Variants in TIAM1 observed in about 807,000 individuals in gnomAD.
TIAM1 encodes the protein rho guanine nucleotide exchange factor TIAM1.
Under a neutral mutation model 163.5 loss-of-function variants are expected in TIAM1, and 65 were observed. The ratio of observed to expected loss-of-function variants is 0.40; its 90% CI spans 0.33 to 0.49. The LOEUF is 0.49. TIAM1 is among the 20% of genes least tolerant of loss of function. TIAM1 has a pLI of 0.77. For missense variants in TIAM1, 1,789 were observed against 2,044.7 expected, an observed-to-expected ratio of 0.87 and a Z score of 2.41; for synonymous variants, 833 against 810.1, an observed-to-expected ratio of 1.03 and a Z score of -0.48.
chr21:31,292,404 C>CTGTGGCCTAG (rs1481859639), intron 2 of TIAM1, among the ~76,000 whole-genome samples: 1 of 147,126 alleles, frequency 6.8e-6, no homozygotes, highest in Non-Finnish European at 1.5e-5. Flanking sequence ...GAGTCTTGCT[C>CTGTGGCCTAG]TGTGGCCTAG....
At position 31,228,241 on chromosome 21, in the gene TIAM1, A is replaced by AGG. The variant is rs1569068860; in HGVS notation, c.1585-2292_1585-2291insCC. Among the ~76,000 whole-genome samples the AGG allele has an allele frequency of 3.4e-4, 16 of 46,720 alleles. 1 individual carries two copies. Among genetic ancestry groups the AGG allele is most frequent in the Admixed American group, 1.3e-3 (4 of 2,970 alleles). The allele number at this position is 46,720 out of a possible 152,430, so 30.7% of individuals were successfully genotyped here. On this transcript the variant is annotated intron_variant, in intron 6 of 27. Coordinates refer to ENST00000541036, the MANE Select transcript of TIAM1 (RefSeq NM_001353694.2). Reference sequence around the variant, plus strand: ...TTTTTAAAAAAAAAAAAAAAAAAAAAAAAAAAAAAAAAAAAAAAGGAAGGA... The same window carrying AGG: ...TTTTTAAAAAAAAAAAAAAAAAAAAAGGAAAAAAAAAAAAAAAAAAGGAAGGA...
At chr21:31,347,594 T>A (rs1292462309), upstream of TIAM1, among the ~76,000 whole-genome samples, 1 of 152,226 alleles carries the variant, frequency 6.6e-6, no homozygotes, top group African/African-American at 2.4e-5. Context: ...AAATGTACAG[T>A]ATTTCTGCTC....
At position 31,557,086 on chromosome 21, in the gene TIAM1, T is replaced by C. The variant is rs2048905750; in HGVS notation, c.-422+1841A>G. On this transcript the variant is annotated intron_variant, in intron 1 of 28. Transcript: ENST00000286827. The stretch of plus-strand genomic sequence containing the variant: ...TTCCACCTGGAAGGGTTTTTCCTTC[T>C]CCAAACCCAGGTCTGGGTCCCAGCA... Among the ~76,000 whole-genome samples, 3 of 152,172 alleles carry C rather than the reference T, an allele frequency of 2.0e-5. No individual in the cohort carries two copies. In the South Asian group the frequency reaches 6.2e-4, roughly 32 times the overall value.
chr21:31,529,840 ATG>A (rs778078754), intron 1 of TIAM1, among the ~76,000 whole-genome samples: 80 of 152,158 alleles, frequency 5.3e-4, no homozygotes, highest in Non-Finnish European at 1.0e-3. Flanking sequence ...CGCAGAGACA[ATG>A]TAAGATGTTC....
intron 20 of TIAM1, among the ~76,000 whole-genome samples, chr21:31,143,508 A>G (rs1425786423): frequency 6.6e-6 from 1 of 151,662 alleles, no homozygotes; most frequent in Non-Finnish European, 1.5e-5. Flanking sequence ...TTTAAAATAT[A>G]GAAATTTAAA....
intron 2 of TIAM1, among the ~76,000 whole-genome samples, chr21:31,319,684 G>A (rs941745667): frequency 2.0e-5 from 3 of 150,958 alleles, no homozygotes; most frequent in African/African-American, 7.3e-5. Context: ...GGAGGCTGAG[G>A]CAGGAGAATG....
intron 2 of TIAM1, among the ~76,000 whole-genome samples, chr21:31,440,341 A>AAT (rs2044373879): frequency 1.3e-5 from 2 of 152,144 alleles, no homozygotes; most frequent in African/African-American, 4.8e-5. Context: ...GCAGGTCCAA[A>AAT]TATTTCTTCT....
intron 1 of TIAM1, among the ~76,000 whole-genome samples, chr21:31,470,287 G>C (rs1482280315): frequency 2.0e-5 from 3 of 151,818 alleles, no homozygotes; most frequent in Non-Finnish European, 2.9e-5. Context: ...TTACAGGTGT[G>C]AGCTCCCACG....
intron 2 of TIAM1, among the ~76,000 whole-genome samples, chr21:31,379,433 A>G (rs539330): frequency 0.97 from 146,965 of 152,166 alleles, 71,024 homozygotes; most frequent in East Asian, 1. Flanking sequence ...ACACTGCACT[A>G]TGCCCTAGCC....
chr21:31,416,877 G>A (rs2043391973), intron 2 of TIAM1, among the ~76,000 whole-genome samples: 1 of 152,216 alleles, frequency 6.6e-6, no homozygotes, highest in African/African-American at 2.4e-5. Context: ...CATCTGATAT[G>A]ATCCAAGCAA....
intron 2 of TIAM1, among the ~76,000 whole-genome samples, chr21:31,444,170 T>C (rs992289880): frequency 6.6e-6 from 1 of 152,148 alleles, no homozygotes; most frequent in African/African-American, 2.4e-5. Context: ...AGATAAGCTG[T>C]CCCACGGAAA....
chr21:31,196,184 A>G (rs900167893), intron 12 of TIAM1, among the ~76,000 whole-genome samples: 1 of 152,238 alleles, frequency 6.6e-6, no homozygotes. Context: ...GCTAATTATC[A>G]GAGAAATGTA....
At chr21:31,531,508 A>T (rs969673650) in intron 1 of TIAM1, among the ~76,000 whole-genome samples, 1 of 152,214 alleles carries the variant, frequency 6.6e-6, no homozygotes, top group Non-Finnish European at 1.5e-5. Flanking sequence ...GGCTAAACAC[A>T]TATTTCTCTT....
chr21:31,215,224 C>A (rs965286053), intron 9 of TIAM1, among the ~76,000 whole-genome samples: 1 of 152,076 alleles, frequency 6.6e-6, no homozygotes, highest in African/African-American at 2.4e-5. Flanking sequence ...ACTGTGAAGT[C>A]CAGAAGCAGT....
Position 31,141,259 on chromosome 21 carries a change from A to G in TIAM1, c.3656-23T>C, listed in dbSNP as rs766425206. The G allele has an allele frequency of 2.5e-6, 4 of 1,613,862 alleles. No homozygotes were observed. Among genetic ancestry groups the G allele is most frequent in the Non-Finnish European group, 3.4e-6 (4 of 1,179,920 alleles). ...CCACTGGAAGAAAACAGGTTGTGAA[A>G]TGAGAGGCTATTTAGAGACCCTCAT... On this transcript the variant is annotated intron_variant, in intron 21 of 27. Coordinates refer to ENST00000541036, the MANE Select transcript of TIAM1 (RefSeq NM_001353694.2). The surrounding 1 kb of genome is among the most constrained non-coding windows in gnomAD (Gnocchi z 4.7).
At chr21:31,227,397 C>T (rs2088051770) in intron 6 of TIAM1, among the ~76,000 whole-genome samples, 1 of 152,158 alleles carries the variant, frequency 6.6e-6, no homozygotes. Context: ...GAAGAAACAG[C>T]ATCAAATATT....
At chr21:31,540,524 A>G (rs2048288912) in intron 1 of TIAM1, among the ~76,000 whole-genome samples, 1 of 152,230 alleles carries the variant, frequency 6.6e-6, no homozygotes, top group African/African-American at 2.4e-5. Flanking sequence ...GGATCGCTTA[A>G]GCCTGGGAGT....
chr21:31,218,723 G>A (rs2087358386), intron 8 of TIAM1, among the ~76,000 whole-genome samples: 2 of 152,152 alleles, frequency 1.3e-5, no homozygotes, highest in African/African-American at 4.8e-5. Flanking sequence ...TCCAGGAACT[G>A]TGCTCAATGG....
chr21:31,317,283 C>T lies in TIAM1; in HGVS notation c.-189+21960G>A, dbSNP rs778333841. On this transcript the variant is annotated intron_variant, in intron 2 of 27. Coordinates refer to ENST00000541036, the MANE Select transcript of TIAM1 (RefSeq NM_001353694.2). ...CAGCCTGACCAACATGGAAAAACAC[C>T]GTCTCTACTAAAAATACAAAATTAG... Among the ~76,000 whole-genome samples, 12 of 146,702 alleles carry T rather than the reference C, an allele frequency of 8.2e-5. No individual in the cohort carries two copies. The East Asian group carries it at 1.2e-3, about 15-fold the overall frequency.
Sources: allele counts gnomAD v4.1 joint callset (sites outside exome capture counted in the v4.1 genomes callset), GRCh38; gene constraint gnomAD v4.1.1; non-coding constraint Gnocchi (gnomAD v3.1); transcripts MANE v1.5; gene names NCBI Gene and HGNC (gene_info 2026-07-23, HGNC 2026-07-21).